Variants in ZRANB3 observed in about 807,000 individuals in gnomAD.
ZRANB3 encodes the protein DNA annealing helicase and endonuclease ZRANB3.
In ZRANB3, 125 loss-of-function variants were observed where a neutral mutation model predicts 133.8. That is an observed-to-expected ratio of 0.93 (90% CI 0.81 to 1.08). ZRANB3 has a LOEUF of 1.08. Among genes scored for constraint, ZRANB3 ranks in the 50% least tolerant of loss-of-function variants. The probability of loss-of-function intolerance (pLI) is 0.00; values close to 1 mark genes in which losing one functional copy is unlikely to be tolerated. For missense variants in ZRANB3, 1,229 were observed against 1,275.5 expected, an observed-to-expected ratio of 0.96 and a Z score of 0.56; for synonymous variants, 387 against 432.7, an observed-to-expected ratio of 0.89 and a Z score of 1.31.
At chr2:135,479,000 C>T (rs1418942526) in intron 2 of ZRANB3, among the ~76,000 whole-genome samples, 1 of 150,396 alleles carries the variant, frequency 6.6e-6, no homozygotes, top group Non-Finnish European at 1.5e-5. Flanking sequence ...TCTCAGAACA[C>T]ACATACGTAG....
intron 2 of ZRANB3, among the ~76,000 whole-genome samples, chr2:135,418,291 G>A (rs749896491): frequency 9.9e-5 from 15 of 152,112 alleles, no homozygotes; most frequent in Admixed American, 7.9e-4. Context: ...TTACATGAAG[G>A]ACATGAGCAT....
At chr2:135,385,136 A>G (rs1335232393) in intron 3 of ZRANB3, among the ~76,000 whole-genome samples, 1 of 152,242 alleles carries the variant, frequency 6.6e-6, no homozygotes, top group Admixed American at 6.5e-5. Flanking sequence ...AAGCAACTTC[A>G]GCAAAGTCTC....
At chr2:135,477,789 T>C (rs1038036755) in intron 2 of ZRANB3, among the ~76,000 whole-genome samples, 14 of 151,684 alleles carry the variant, frequency 9.2e-5, no homozygotes, top group African/African-American at 2.7e-4. Flanking sequence ...AGCCCAGGAG[T>C]TGGAGACCAG....
intron 12 of ZRANB3, among the ~76,000 whole-genome samples, chr2:135,264,508 A>G (rs1440747916): frequency 6.6e-6 from 1 of 151,634 alleles, no homozygotes; most frequent in Non-Finnish European, 1.5e-5. Context: ...GAAAAGAAAA[A>G]CCATTTCAAA....
intron 2 of ZRANB3, among the ~76,000 whole-genome samples, chr2:135,466,923 T>C (rs986229533): frequency 1.3e-5 from 2 of 152,146 alleles, no homozygotes; most frequent in Admixed American, 6.5e-5. Context: ...CCTCCCATAG[T>C]GCTGGGATTA....
At chr2:135,202,500 AT>A (rs1406321159) in intron 20 of ZRANB3, 10 of 176,026 alleles carry the variant, frequency 5.7e-5, no homozygotes, top group Admixed American at 1.8e-4. Flanking sequence ...ATCCTTAGTT[AT>A]ATGCAAACAT....
At chr2:135,463,605 C>A (rs1455658173) in intron 2 of ZRANB3, among the ~76,000 whole-genome samples, 1 of 151,878 alleles carries the variant, frequency 6.6e-6, no homozygotes, top group Non-Finnish European at 1.5e-5. Context: ...ATCGTAGAGT[C>A]GGGGTTTCGC....
chr2:135,511,220 T>C, intron 1 of ZRANB3: 1 of 921,710 alleles, frequency 1.1e-6, no homozygotes, highest in Non-Finnish European at 1.8e-6. Context: ...CTTCCCATAC[T>C]GTCTGAGATA....
At chr2:135,262,466 T>A (rs1573782294) in intron 12 of ZRANB3, among the ~76,000 whole-genome samples, 1 of 152,120 alleles carries the variant, frequency 6.6e-6, no homozygotes, top group African/African-American at 2.4e-5. Context: ...CTCTATAACT[T>A]TGACACCATA....
At position 135,366,293 on chromosome 2, in the gene ZRANB3, C is replaced by T. The variant is rs141916592; in HGVS notation, c.181-12665G>A. Among the ~76,000 whole-genome samples, 52 of 151,636 alleles carry T rather than the reference C, an allele frequency of 3.4e-4. 1 individual carries two copies. Among genetic ancestry groups the T allele is most frequent in the African/African-American group, 1.2e-3 (48 of 41,158 alleles). ...ATTAAAAAGAGGGAGAAAGAAAGGA[C>T]GCCTTTGTGAAAGTTTTTTTTTTAA... On this transcript the variant is annotated intron_variant, in intron 3 of 20. Coordinates refer to ENST00000264159, the MANE Select transcript of ZRANB3 (RefSeq NM_032143.4).
intron 8 of ZRANB3, among the ~76,000 whole-genome samples, chr2:135,311,705 G>A (rs1682986066): frequency 6.6e-6 from 1 of 152,074 alleles, no homozygotes; most frequent in Non-Finnish European, 1.5e-5. Flanking sequence ...AGCTATGATT[G>A]TGGCACTGCA....
chr2:135,511,331 T>C (rs1458889912), intron 1 of ZRANB3: 2 of 860,788 alleles, frequency 2.3e-6, no homozygotes, highest in Non-Finnish European at 2.0e-6. Flanking sequence ...ATACACATTC[T>C]TGTTCTGGTT....
intron 2 of ZRANB3, among the ~76,000 whole-genome samples, chr2:135,404,922 A>G (rs867340226): frequency 1.8e-4 from 27 of 152,350 alleles, no homozygotes; most frequent in African/African-American, 6.3e-4. Context: ...TAATGAGCAA[A>G]ATAACCAGCT....
At chr2:135,337,286 C>T (rs1328199207) in intron 6 of ZRANB3, among the ~76,000 whole-genome samples, 1 of 152,216 alleles carries the variant, frequency 6.6e-6, no homozygotes, top group Admixed American at 6.5e-5. Flanking sequence ...CTTCAGCATG[C>T]TTGGCACAAG....
At chr2:135,293,190 T>C (rs887584111) in intron 8 of ZRANB3, among the ~76,000 whole-genome samples, 24 of 152,212 alleles carry the variant, frequency 1.6e-4, no homozygotes, top group African/African-American at 5.3e-4. Context: ...TTGGGCAGTA[T>C]GGCCATTTTC....
intron 6 of ZRANB3, among the ~76,000 whole-genome samples, chr2:135,344,736 G>A (rs775828586): frequency 1.3e-5 from 2 of 151,986 alleles, no homozygotes; most frequent in Admixed American, 6.6e-5. Flanking sequence ...GCGAGACTCC[G>A]TCTGAAAAAA....
At position 135,412,747 on chromosome 2, in the gene ZRANB3, CTA is replaced by C. The variant is rs372452951; in HGVS notation, c.162-21929_162-21928del. On this transcript the variant is annotated intron_variant, in intron 2 of 20. Coordinates refer to ENST00000264159, the MANE Select transcript of ZRANB3 (RefSeq NM_032143.4). Reference sequence around the variant, plus strand: ...TAAACCATCTAGTAAGATGCAGAGACTATTTCCTGTTTTGTTCTTCATTAGTG... The same window carrying C: ...TAAACCATCTAGTAAGATGCAGAGACTTTCCTGTTTTGTTCTTCATTAGTG... 6.0e-3 allele frequency among the ~76,000 whole-genome samples: 919 copies of C among 152,050 alleles called. 5 individuals carry two copies. The highest frequency in any genetic ancestry group is 0.017 in the Middle Eastern group (5 of 294).
rs559224409 is a variant in ZRANB3, at chr2:135,349,618, A to C, written c.591+366T>G. Among the ~76,000 whole-genome samples, 33 of 152,350 alleles carry C rather than the reference A, an allele frequency of 2.2e-4. No homozygotes were observed. The South Asian group carries it at 5.8e-3, about 27-fold the overall frequency. On this transcript the variant is annotated intron_variant, in intron 5 of 20. Coordinates refer to ENST00000264159, the MANE Select transcript of ZRANB3 (RefSeq NM_032143.4). ...CTCTGAAATGCAGTGTAAAAGAAAT[A>C]AGGTAGATTCAATCCCAACCCTAAG...
chr2:135,217,779 T>C (rs758529154), intron 16 of ZRANB3, among the ~76,000 whole-genome samples, 172 bp from the exon 17 acceptor site: 2 of 152,212 alleles, frequency 1.3e-5, no homozygotes, highest in Non-Finnish European at 2.9e-5. Context: ...CATATCTTTA[T>C]TGTAAACTAC....
Sources: allele counts gnomAD v4.1 joint callset (sites outside exome capture counted in the v4.1 genomes callset), GRCh38; gene constraint gnomAD v4.1.1; transcripts MANE v1.5; gene names NCBI Gene and HGNC (gene_info 2026-07-23, HGNC 2026-07-21).